Variants in AFAP1L1 observed in about 807,000 individuals in gnomAD.
The protein encoded by AFAP1L1 is actin filament associated protein 1 like 1.
A neutral mutation model predicts 99.8 loss-of-function variants in AFAP1L1; 77 were observed. That is an observed-to-expected ratio of 0.77 (90% confidence interval 0.64 to 0.93). The LOEUF (loss-of-function observed/expected upper bound fraction) is 0.93. Among genes scored for constraint, AFAP1L1 ranks in the 40% least tolerant of loss-of-function variants. The pLI is 0.00. For synonymous variants in AFAP1L1, 373 were observed against 395.3 expected (o/e 0.94, Z 0.67); for missense variants, 893 against 996.8 (o/e 0.90, Z 1.40).
intron 1 of AFAP1L1, among the ~76,000 whole-genome samples, chr5:149,273,143 A>T (rs1755187905): frequency 6.7e-6 from 1 of 150,310 alleles, no homozygotes; most frequent in Non-Finnish European, 1.5e-5. Context: ...TTCAGTCTGC[A>T]CCTCTGGGAT....
At chr5:149,280,641 C>T (rs1755486960) in intron 1 of AFAP1L1, among the ~76,000 whole-genome samples, 1 of 152,198 alleles carries the variant, frequency 6.6e-6, no homozygotes, top group African/African-American at 2.4e-5. Context: ...GGGTCTGGGT[C>T]TGTTACCCAA....
In AFAP1L1 at chr5:149,307,495, CAGA is replaced by C; in HGVS notation, c.630_632del (p.Glu212del). On this transcript the variant is annotated inframe_deletion, in exon 7 of 19. Transcript: ENST00000296721. ...CCGCAGCCCCGACACCAGTGGCCCT[CAGA>C]GGAGGCCTCCATGCACCTGGTGAGG... is the stretch of plus-strand genomic sequence containing the variant. 12 of 1,614,170 alleles carry C rather than the reference CAGA, an allele frequency of 7.4e-6. No individual in the cohort carries two copies. The highest frequency in any genetic ancestry group is 1.0e-5 in the Non-Finnish European group (12 of 1,180,030).
rs760773181 is a variant in AFAP1L1, at chr5:149,317,679, A to G, written c.1268-50A>G. On this transcript the variant is annotated intron_variant, in intron 11 of 18. Coordinates refer to ENST00000296721, the MANE Select transcript of AFAP1L1 (RefSeq NM_152406.4). ...ACACATGGAGCCGCCTTGCGTCCCC[A>G]TGCTGTCCCAGGGCAGGCTATGGGA... The G allele has an allele frequency of 3.1e-6, 5 of 1,599,944 alleles. No individual in the cohort carries two copies. The South Asian group carries it at 3.4e-5, about 11-fold the overall frequency.
In AFAP1L1 at chr5:149,336,609, G is replaced by A. The variant is rs74416388; in HGVS notation, c.2283+887G>A. Reference sequence around the variant, plus strand: ...TGGGGTCTCTCTGCAGTCTGGAGGCGGCCCAGGGCATCACAGGGTGAGGGG... The same window carrying A: ...TGGGGTCTCTCTGCAGTCTGGAGGCAGCCCAGGGCATCACAGGGTGAGGGG... On this transcript the variant is annotated intron_variant, in intron 18 of 18. Coordinates refer to ENST00000296721, the MANE Select transcript of AFAP1L1 (RefSeq NM_152406.4). 3.0e-3 allele frequency among the ~76,000 whole-genome samples: 455 copies of A among 152,282 alleles called. 1 individual carries two copies. The highest frequency in any genetic ancestry group is 0.011 in the African/African-American group (437 of 41,554).
chr5:149,299,520 C>G lies in AFAP1L1; in HGVS notation c.28C>G (p.Leu10Val), dbSNP rs758625586. The change falls in exon 2 of 19, where the codon CTG (leucine) becomes GTG (valine). Residue 10 changes from leucine to valine, a missense_variant. Leu to Val is a conservative substitution (Grantham distance 32). Coordinates refer to ENST00000296721, the MANE Select transcript of AFAP1L1 (RefSeq NM_152406.4). Reference sequence around the variant, plus strand: ...GCCTTCCTCCGCAGTGCTGGAGCAGCTGCTCCCAGAGCTCACCGGGCTGCT... The same window carrying G: ...GCCTTCCTCCGCAGTGCTGGAGCAGGTGCTCCCAGAGCTCACCGGGCTGCT... The part of the protein sequence containing the change: MDRGQVLEQ[L>V]LPELTGLLSL... The G allele has an allele frequency of 6.2e-7, 1 of 1,614,000 alleles. No homozygotes were observed. The highest frequency in any genetic ancestry group is 8.5e-7 in the Non-Finnish European group (1 of 1,180,008).
At chr5:149,297,976 A>G (rs546490448) in intron 1 of AFAP1L1, among the ~76,000 whole-genome samples, 22 of 152,348 alleles carry the variant, frequency 1.4e-4, no homozygotes, top group Admixed American at 1.2e-3. Context: ...CAGCCACCCT[A>G]TGAGGCAGGT....
At chr5:149,272,098 A>C in intron 1 of AFAP1L1, 114 bp downstream of exon 1, 15 of 867,238 alleles carry the variant, frequency 1.7e-5, no homozygotes, top group Non-Finnish European at 1.9e-5. Flanking sequence ...GCGGGGGCTG[A>C]GGAACGCTCG....
chr5:149,289,179 G>A (rs1044627795), intron 1 of AFAP1L1, among the ~76,000 whole-genome samples: 6 of 152,168 alleles, frequency 3.9e-5, no homozygotes, highest in Non-Finnish European at 7.3e-5. Context: ...CAAATGGGAG[G>A]AGTTAGAGCC....
intron 1 of AFAP1L1, among the ~76,000 whole-genome samples, chr5:149,280,045 C>T (rs1407142612): frequency 6.6e-6 from 1 of 152,162 alleles, no homozygotes; most frequent in Admixed American, 6.5e-5. Context: ...ATAGTAGGTG[C>T]TCAATAAATG....
chr5:149,298,127 C>T (rs759966860), intron 1 of AFAP1L1, among the ~76,000 whole-genome samples: 7 of 152,180 alleles, frequency 4.6e-5, no homozygotes, highest in Non-Finnish European at 7.3e-5. Flanking sequence ...TGCTGTATCT[C>T]CTCCTACACC....
chr5:149,309,930 C>T, intron 7 of AFAP1L1, 26 bp from the exon 8 acceptor site: 1 of 1,614,086 alleles, frequency 6.2e-7, no homozygotes, highest in South Asian at 1.1e-5. Flanking sequence ...TTCAGAAGAT[C>T]CTGATGTGTT....
At chr5:149,326,633 A>G (rs988235682) in intron 15 of AFAP1L1, among the ~76,000 whole-genome samples, 11 of 151,906 alleles carry the variant, frequency 7.2e-5, no homozygotes, top group Admixed American at 4.6e-4. Context: ...GGTTAGAACA[A>G]ATCTCAAAGA....
chr5:149,308,644 C>T (rs1756511516), intron 7 of AFAP1L1, among the ~76,000 whole-genome samples: 1 of 152,174 alleles, frequency 6.6e-6, no homozygotes, highest in Non-Finnish European at 1.5e-5. Flanking sequence ...TTTTCTCACT[C>T]CAGGGCGGCA....
At position 149,293,620 on chromosome 5, in the gene AFAP1L1, A is replaced by G. The variant is rs375897722; in HGVS notation, c.17-5889A>G. ...CACAGACCCTGTCCTCCTGGAGCCT[A>G]TTAGAACTATAGCAAATCTGTTCCT... On this transcript the variant is annotated intron_variant, in intron 1 of 18. Transcript: ENST00000296721. 2.6e-4 allele frequency among the ~76,000 whole-genome samples: 40 copies of G among 152,346 alleles called. 1 individual carries two copies. The highest frequency in any genetic ancestry group is 2.1e-3 in the East Asian group (11 of 5,192).
chr5:149,324,347 G>T (rs1178342141), intron 15 of AFAP1L1, among the ~76,000 whole-genome samples: 1 of 150,232 alleles, frequency 6.7e-6, no homozygotes, highest in Non-Finnish European at 1.5e-5. Flanking sequence ...GCTCCCTGGG[G>T]TCTCTTTCCT....
At chr5:149,329,220 T>G (rs1757181671) in intron 15 of AFAP1L1, among the ~76,000 whole-genome samples, 1 of 152,226 alleles carries the variant, frequency 6.6e-6, no homozygotes, top group African/African-American at 2.4e-5. Context: ...CTAAGTGCTT[T>G]TCATTAATCA....
chr5:149,339,350 C>A (rs778574112), intron 18 of AFAP1L1, among the ~76,000 whole-genome samples: 1 of 151,908 alleles, frequency 6.6e-6, no homozygotes, highest in Non-Finnish European at 1.5e-5. Context: ...ACACCACACT[C>A]GGCTAATTTT....
intron 1 of AFAP1L1, among the ~76,000 whole-genome samples, chr5:149,288,508 T>G (rs908916153): frequency 6.6e-6 from 1 of 152,242 alleles, no homozygotes; most frequent in African/African-American, 2.4e-5. Context: ...TCCCTGGGAC[T>G]ACTCTGCTTC....
intron 12 of AFAP1L1, among the ~76,000 whole-genome samples, chr5:149,318,697 C>T (rs1284822528): frequency 1.3e-5 from 2 of 152,198 alleles, no homozygotes; most frequent in African/African-American, 2.4e-5. Flanking sequence ...ATGCAGAATA[C>T]GTGGACTCTC....
Sources: allele counts gnomAD v4.1 joint callset (sites outside exome capture counted in the v4.1 genomes callset), GRCh38; gene constraint gnomAD v4.1.1; transcripts MANE v1.5; gene names NCBI Gene and HGNC (gene_info 2026-07-23, HGNC 2026-07-21).